The following TRIM5 variants were observed in gnomAD, a reference collection of about 807,000 sequenced individuals.
TRIM5 encodes the protein tripartite motif containing 5.
Under a neutral mutation model 35.6 loss-of-function variants are expected in TRIM5, and 31 were observed. That is an observed-to-expected ratio of 0.87 (90% confidence interval 0.65 to 1.18). The LOEUF (loss-of-function observed/expected upper bound fraction) is 1.18. TRIM5 is among the 50% of genes most tolerant of loss of function. TRIM5 has a pLI of 0.00. For missense variants in TRIM5, 609 were observed against 591.6 expected (o/e 1.03, Z -0.31); for synonymous variants, 243 against 215.6 (o/e 1.13, Z -1.11).
the TRIM5 span, among the ~76,000 whole-genome samples, chr11:5,616,160 C>G: frequency 6.9e-6 from 1 of 144,604 alleles, no homozygotes; most frequent in African/African-American, 2.6e-5. Context: ...ACCGTGTTGG[C>G]CAGGATGGTC....
At chr11:5,603,110 A>C in the TRIM5 span, 2 of 1,416,614 alleles carry the variant, frequency 1.4e-6, no homozygotes, top group South Asian at 3.0e-5. Context: ...GGGATAAAGA[A>C]CGTATTGGAT....
At chr11:5,641,196 A>T in the TRIM5 span, 1 of 1,613,714 alleles carries the variant, frequency 6.2e-7, no homozygotes. Context: ...AATGGTGCGT[A>T]TGGGTGGCCA....
At chr11:5,661,864 T>G (rs1850839059), downstream of TRIM5, among the ~76,000 whole-genome samples, 1 of 152,210 alleles carries the variant, frequency 6.6e-6, no homozygotes, top group Admixed American at 6.5e-5. Flanking sequence ...TGCAGATCTT[T>G]TCTGTTGTAT....
chr11:5,603,889 A>T, the TRIM5 span, among the ~76,000 whole-genome samples: 15 of 152,188 alleles, frequency 9.9e-5, no homozygotes, highest in Admixed American at 8.5e-4. Flanking sequence ...ATTCTTTATC[A>T]TTTACTTGCT....
chr11:5,605,592 T>A, the TRIM5 span: 6 of 1,590,986 alleles, frequency 3.8e-6, no homozygotes, highest in Non-Finnish European at 4.3e-6. Flanking sequence ...GGAGCCCAGA[T>A]CTGAGAGTCA....
chr11:5,680,084 G>A lies in TRIM5; in HGVS notation c.94C>T (p.His32Tyr), dbSNP rs371244376. ...GTGAGGCATGCTTGGCAGAAGCTGTGGCCGCAGTCCAGGCTCAGGGGTTGT... is the reference window on the plus strand; with the variant it reads ...GTGAGGCATGCTTGGCAGAAGCTGTAGCCGCAGTCCAGGCTCAGGGGTTGT... Reference protein sequence around the residue: ...LTQPLSLDCGHSFCQACLTAN... With the variant: ...LTQPLSLDCGYSFCQACLTAN... The change falls in exon 2 of 8, where the codon CAC becomes TAC. Residue 32 changes from histidine to tyrosine, a missense_variant. Coordinates refer to ENST00000380034, the MANE Select transcript of TRIM5 (RefSeq NM_033034.3). 5.6e-6 allele frequency: 9 copies of A among 1,613,988 alleles called. No homozygotes were observed. Among genetic ancestry groups the A allele is most frequent in the Non-Finnish European group, 6.8e-6 (8 of 1,180,042 alleles).
chr11:5,681,514 T>C (rs1317336808), intron 1 of TRIM5, among the ~76,000 whole-genome samples: 1 of 152,220 alleles, frequency 6.6e-6, no homozygotes, highest in Non-Finnish European at 1.5e-5. Flanking sequence ...TAAATTTACC[T>C]AATCTAGATG....
the TRIM5 span, among the ~76,000 whole-genome samples, chr11:5,601,739 T>C: frequency 6.6e-6 from 1 of 151,956 alleles, no homozygotes; most frequent in Admixed American, 6.6e-5. Context: ...GCCTGGGCGA[T>C]AGAGCAAGAC....
the TRIM5 span, chr11:5,603,801 A>G: frequency 6.4e-7 from 1 of 1,574,704 alleles, no homozygotes; most frequent in African/African-American, 1.4e-5. Flanking sequence ...ACGTTTTATC[A>G]TGCTCTGATC....
chr11:5,592,523 T>C, the TRIM5 span, among the ~76,000 whole-genome samples: 3 of 152,122 alleles, frequency 2.0e-5, no homozygotes, highest in East Asian at 3.9e-4. Context: ...CCATCTTAAA[T>C]ACCGTGCTAT....
At chr11:5,663,090 A>T (rs1023449935), downstream of TRIM5, 4 of 369,172 alleles carry the variant, frequency 1.1e-5, no homozygotes, top group Non-Finnish European at 1.5e-5. Context: ...GTGCCATTGC[A>T]CTCCAGCTTG....
chr11:5,634,269 G>C, the TRIM5 span, among the ~76,000 whole-genome samples: 1 of 152,128 alleles, frequency 6.6e-6, no homozygotes, highest in South Asian at 2.1e-4. Flanking sequence ...ATCCAGGAAA[G>C]CTATCTAGAA....
In TRIM5 at chr11:5,679,076, T is replaced by C. The variant is rs1471330378; in HGVS notation, c.511A>G (p.Lys171Glu). The C allele has an allele frequency of 6.2e-6, 10 of 1,613,594 alleles. No homozygotes were observed. The highest frequency in any genetic ancestry group is 5.0e-5 in the Admixed American group (3 of 59,994). Reference protein sequence around the residue: ...ADIREEKASWKTQIQYDKTNV... With the variant: ...ADIREEKASWETQIQYDKTNV... ...CTTCGGGAACCACATCCTCTTGCCT[T>C]CCAGGAAGCTTTCTCTTCTCTGATG... The change falls in exon 3 of 8, where the codon AAG (lysine) becomes GAG (glutamate). Residue 171 changes from lysine to glutamate, a missense_variant and splice_region_variant. By Grantham distance (56) the Lys-to-Glu change is moderately conservative. Transcript: ENST00000380034.
At chr11:5,682,320 C>T (rs1395283983) in intron 1 of TRIM5, among the ~76,000 whole-genome samples, 1 of 152,040 alleles carries the variant, frequency 6.6e-6, no homozygotes, top group Non-Finnish European at 1.5e-5. Flanking sequence ...CATGCTTCTC[C>T]TGCTCTTCGT....
At chr11:5,666,433 A>G (rs1429824580) in intron 5 of TRIM5, among the ~76,000 whole-genome samples, 1 of 152,196 alleles carries the variant, frequency 6.6e-6, no homozygotes, top group Non-Finnish European at 1.5e-5. Flanking sequence ...GGTGCCTTAC[A>G]AAAGAAACCC....
At chr11:5,679,326 A>G (rs1852239150) in intron 2 of TRIM5, among the ~76,000 whole-genome samples, 157 bp from the exon 3 acceptor site, 1 of 152,182 alleles carries the variant, frequency 6.6e-6, no homozygotes, top group South Asian at 2.1e-4. Flanking sequence ...GAAAACTTAC[A>G]TTGGTGAATG....
the TRIM5 span, among the ~76,000 whole-genome samples, chr11:5,606,661 C>T: frequency 4.6e-5 from 7 of 152,214 alleles, no homozygotes; most frequent in East Asian, 5.8e-4. Context: ...GATATTATTA[C>T]CCTGATACTT....
chr11:5,670,312 G>A (rs1308229874), intron 4 of TRIM5, among the ~76,000 whole-genome samples: 1 of 150,520 alleles, frequency 6.6e-6, no homozygotes, highest in East Asian at 2.0e-4. Context: ...CGAGTAGCTG[G>A]GACTACAGGC....
chr11:5,609,320 C>T, the TRIM5 span, among the ~76,000 whole-genome samples: 43 of 152,206 alleles, frequency 2.8e-4, no homozygotes, highest in African/African-American at 7.9e-4. Context: ...TTCCCAGAGA[C>T]GGCAAATCCT....
Sources: gnomAD v4.1 joint callset for allele counts (sites outside exome capture counted in the v4.1 genomes callset) on GRCh38, gnomAD v4.1.1 for gene constraint, MANE v1.5 for transcripts, NCBI Gene and HGNC (gene_info 2026-07-23, HGNC 2026-07-21) for gene names.